DEPDC5: variants seen among roughly 807,000 people sequenced by gnomAD.
DEPDC5 encodes GATOR1 complex protein DEPDC5.
Under a neutral mutation model 217.3 loss-of-function variants are expected in DEPDC5, and 73 were observed. That is an observed-to-expected ratio of 0.34 (90% CI 0.28 to 0.41). The LOEUF is 0.41. Among genes scored for constraint, DEPDC5 ranks in the 10% least tolerant of loss-of-function variants. The pLI is 1.00. For missense variants in DEPDC5, 1,675 were observed against 2,070.1 expected, an observed-to-expected ratio of 0.81 and a Z score of 3.70; for synonymous variants, 733 against 756.7, an observed-to-expected ratio of 0.97 and a Z score of 0.51.
chr22:31,814,887 GTTA>G, intron 20 of DEPDC5, 102 bp from the exon 21 acceptor site: 1 of 1,245,382 alleles, frequency 8.0e-7, no homozygotes, highest in East Asian at 2.3e-5. Context: ...GGGGATTTTT[GTTA>G]TTGGGTTCCA....
intron 24 of DEPDC5, among the ~76,000 whole-genome samples, chr22:31,832,469 G>A (rs1181326325): frequency 6.6e-6 from 1 of 150,980 alleles, no homozygotes; most frequent in Non-Finnish European, 1.5e-5. Context: ...TAAGCATGTA[G>A]TGGTATCTTA....
intron 36 of DEPDC5, among the ~76,000 whole-genome samples, 185 bp downstream of exon 36, chr22:31,874,590 C>G (rs2092940040): frequency 6.6e-6 from 1 of 152,148 alleles, no homozygotes; most frequent in Non-Finnish European, 1.5e-5. Flanking sequence ...TACACTGTAT[C>G]TTGACTTAAA....
intron 7 of DEPDC5, 28 bp downstream of exon 7, chr22:31,768,891 C>T (rs951982957): frequency 1.2e-6 from 2 of 1,610,974 alleles, no homozygotes; most frequent in Admixed American, 3.3e-5. Flanking sequence ...CTTGCCTTAT[C>T]TGTGCAGTAA....
intron 10 of DEPDC5, among the ~76,000 whole-genome samples, chr22:31,786,643 C>G (rs990251983): frequency 1.3e-5 from 2 of 151,662 alleles, no homozygotes; most frequent in African/African-American, 4.8e-5. Context: ...TTTGCTCTGT[C>G]CTGTCACCCA....
At chr22:31,815,765 G>A (rs902239459) in intron 21 of DEPDC5, 4 of 1,202,250 alleles carry the variant, frequency 3.3e-6, no homozygotes, top group East Asian at 3.2e-5. Flanking sequence ...TCCTGGACTC[G>A]AGGGATCCAC....
intron 18 of DEPDC5, among the ~76,000 whole-genome samples, chr22:31,808,773 G>A (rs1276544615): frequency 1.3e-5 from 2 of 151,910 alleles, no homozygotes; most frequent in East Asian, 3.9e-4. Flanking sequence ...CACCATGTTG[G>A]CCAGGCTGGT....
intron 8 of DEPDC5, among the ~76,000 whole-genome samples, chr22:31,782,204 C>G (rs979879425): frequency 2.0e-5 from 3 of 146,606 alleles, no homozygotes; most frequent in Non-Finnish European, 4.4e-5. Flanking sequence ...GTGGTATGAT[C>G]TTGGCTCACT....
At chr22:31,902,340 CAA>C (rs1433880907) in intron 41 of DEPDC5, among the ~76,000 whole-genome samples, 2 of 150,384 alleles carry the variant, frequency 1.3e-5, no homozygotes, top group Non-Finnish European at 3.0e-5. Flanking sequence ...ATGGTAAAAA[CAA>C]AGCCCCTTGT....
intron 22 of DEPDC5, among the ~76,000 whole-genome samples, chr22:31,819,444 C>CT (rs1298800124): frequency 6.7e-6 from 1 of 149,718 alleles, no homozygotes; most frequent in Non-Finnish European, 1.5e-5. Context: ...AACCTGAGGG[C>CT]TTTTTTGTTT....
chr22:31,782,071 C>T (rs965875064), intron 8 of DEPDC5, among the ~76,000 whole-genome samples: 1 of 151,978 alleles, frequency 6.6e-6, no homozygotes, highest in Non-Finnish European at 1.5e-5. Context: ...TATTAAGAAC[C>T]TTGCATATTT....
rs1394753838 is a variant in DEPDC5, at chr22:31,802,795, C to A, written c.1038C>A (p.Asp346Glu). The A allele has an allele frequency of 6.2e-7, 1 of 1,607,128 alleles. No individual in the cohort carries two copies. The highest frequency in any genetic ancestry group is 1.3e-5 in the African/African-American group (1 of 74,634). ...CCGGGGTGGGTGTCTTTGAAGTGGACCGCCTACTCATGATCCTGACCAAGC... is the reference window on the plus strand; with the variant it reads ...CCGGGGTGGGTGTCTTTGAAGTGGAACGCCTACTCATGATCCTGACCAAGC... Reference protein sequence around the residue: ...ITPGVGVFEVDRLLMILTKQR... With the variant: ...ITPGVGVFEVERLLMILTKQR... The change falls in exon 15 of 43, where the codon GAC becomes GAA. Residue 346 changes from aspartate to glutamate, a missense_variant. Physicochemically the swap from Asp to Glu is conservative, Grantham distance 45 (BLOSUM62 2). Around this residue, in one of 11 missense-constraint regions of DEPDC5, gnomAD observed 628 missense variants for 762.1 expected, o/e 0.82. Transcript: ENST00000651528.
intron 31 of DEPDC5, among the ~76,000 whole-genome samples, chr22:31,854,942 T>C (rs2092212385): frequency 6.6e-6 from 1 of 151,638 alleles, no homozygotes; most frequent in African/African-American, 2.4e-5. Flanking sequence ...TGTAAGGACT[T>C]AATTGAGTCT....
chr22:31,881,906 A>G (rs560830076), intron 38 of DEPDC5, among the ~76,000 whole-genome samples: 2 of 151,100 alleles, frequency 1.3e-5, no homozygotes, highest in South Asian at 4.2e-4. Flanking sequence ...AGATGGCACC[A>G]CTGCACTCCA....
Position 31,838,629 on chromosome 22 carries a change from T to G in DEPDC5, c.2355-56T>G, listed in dbSNP as rs1201539060. 2.7e-5 allele frequency: 43 copies of G among 1,594,020 alleles called. No homozygotes were observed. The East Asian group carries it at 8.7e-4, about 32-fold the overall frequency. On this transcript the variant is annotated intron_variant, in intron 26 of 42. Coordinates refer to ENST00000651528, the MANE Select transcript of DEPDC5 (RefSeq NM_001242896.3). ...AGGAGATGATGAGACTGTGCACTCT[T>G]AAGTGTCACTGTCTCGGGCCAAGCA...
At chr22:31,831,385 T>C (rs765137000) in intron 24 of DEPDC5, among the ~76,000 whole-genome samples, 2 of 152,214 alleles carry the variant, frequency 1.3e-5, no homozygotes, top group Non-Finnish European at 2.9e-5. Flanking sequence ...TTTTTAAAAA[T>C]CTGCTCCAAG....
chr22:31,855,083 G>A (rs537343026), intron 31 of DEPDC5, among the ~76,000 whole-genome samples: 2 of 151,516 alleles, frequency 1.3e-5, no homozygotes, highest in African/African-American at 4.8e-5. Flanking sequence ...TCCTGCCTCA[G>A]CCTCCAGAGT....
At chr22:31,781,099 C>T (rs964284803) in intron 8 of DEPDC5, among the ~76,000 whole-genome samples, 2 of 151,850 alleles carry the variant, frequency 1.3e-5, no homozygotes, top group African/African-American at 4.8e-5. Flanking sequence ...GCCTGTAATC[C>T]CAGCTACTTG....
chr22:31,884,149 A>G (rs962875983), intron 38 of DEPDC5, among the ~76,000 whole-genome samples: 1 of 152,122 alleles, frequency 6.6e-6, no homozygotes, highest in Non-Finnish European at 1.5e-5. Flanking sequence ...AAGCGGTCAG[A>G]AGAAAACTCC....
At chr22:31,823,014 C>T in intron 24 of DEPDC5, 1 of 481,602 alleles carries the variant, frequency 2.1e-6, no homozygotes, top group Admixed American at 3.2e-5. Flanking sequence ...CATTTATCAT[C>T]ATTCTGTCAC....
Sources: gnomAD v4.1 joint callset for allele counts (sites outside exome capture counted in the v4.1 genomes callset) on GRCh38, gnomAD v4.1.1 for gene constraint, gnomAD v4.1.1 regional missense constraint, MANE v1.5 for transcripts, NCBI Gene and HGNC (gene_info 2026-07-23, HGNC 2026-07-21) for gene names.